The following S100PBP variants were observed in gnomAD, a reference collection of about 807,000 sequenced individuals.
S100PBP encodes S100P-binding protein.
S100PBP carries 15 observed loss-of-function variants against 39.9 expected under a neutral mutation model. That is an observed-to-expected ratio of 0.38 (90% CI 0.25 to 0.58). The LOEUF is 0.58. Among genes scored for constraint, S100PBP ranks in the 20% least tolerant of loss-of-function variants. The probability of loss-of-function intolerance (pLI) is 0.70; values close to 1 mark genes in which losing one functional copy is unlikely to be tolerated. For missense variants in S100PBP, 504 were observed against 487.3 expected (o/e 1.03, Z -0.32); for synonymous variants, 178 against 180.3 (o/e 0.99, Z 0.10).
At chr1:32,840,946 A>G (rs1160910666) in intron 5 of S100PBP, among the ~76,000 whole-genome samples, 1 of 151,640 alleles carries the variant, frequency 6.6e-6, no homozygotes, top group African/African-American at 2.4e-5. Flanking sequence ...GGATCACGAG[A>G]TCAGGAGATT....
chr1:32,854,749 T>G (rs1017746662), intron 6 of S100PBP, among the ~76,000 whole-genome samples: 2 of 152,218 alleles, frequency 1.3e-5, no homozygotes, highest in Non-Finnish European at 2.9e-5. Flanking sequence ...CCTATATGCT[T>G]TGGCCTATGC....
chr1:32,824,044 A>G (rs963536186), intron 1 of S100PBP, among the ~76,000 whole-genome samples: 1 of 152,108 alleles, frequency 6.6e-6, no homozygotes, highest in Non-Finnish European at 1.5e-5. Context: ...TAAAAATACA[A>G]CAAATTAGCC....
chr1:32,843,163 T>C (rs902858731), intron 5 of S100PBP: 2 of 152,244 alleles, frequency 1.3e-5, no homozygotes, highest in Admixed American at 6.5e-5. Context: ...AGTAACTTTT[T>C]AATAGATTTC....
chr1:32,817,107 AGAACCCCGTAATGGGGCTCAAAATCACT>A (rs1316211016), upstream of S100PBP: 1 of 1,566,368 alleles, frequency 6.4e-7, no homozygotes, highest in Non-Finnish European at 8.8e-7. Flanking sequence ...CCACATACTT[AGAACCCCGTAATGGGGCTCAAAATCACT>A]GAACCTCGGG....
At chr1:32,821,600 G>A (rs550553867) in intron 1 of S100PBP, among the ~76,000 whole-genome samples, 2 of 150,238 alleles carry the variant, frequency 1.3e-5, no homozygotes, top group South Asian at 2.1e-4. Context: ...GATTACAGGC[G>A]TGAGCCACTG....
intron 6 of S100PBP, among the ~76,000 whole-genome samples, chr1:32,854,282 T>C (rs1020647020): frequency 6.6e-6 from 1 of 152,324 alleles, no homozygotes; most frequent in Admixed American, 6.5e-5. Flanking sequence ...AATGCCATAG[T>C]GTTTGCATAA....
intron 4 of S100PBP, among the ~76,000 whole-genome samples, chr1:32,829,371 A>G (rs1041375844): frequency 6.6e-6 from 1 of 152,180 alleles, no homozygotes; most frequent in African/African-American, 2.4e-5. Flanking sequence ...GAATTACTCA[A>G]TAAATACTTT....
At chr1:32,830,237 C>T (rs1246319745) in intron 5 of S100PBP, among the ~76,000 whole-genome samples, 170 bp downstream of exon 5, 5 of 152,162 alleles carry the variant, frequency 3.3e-5, no homozygotes, top group Non-Finnish European at 5.9e-5. Flanking sequence ...AGATAATTCT[C>T]GAAGTGGTTT....
intron 6 of S100PBP, among the ~76,000 whole-genome samples, chr1:32,855,236 G>A (rs1035048841): frequency 6.6e-6 from 1 of 152,138 alleles, no homozygotes; most frequent in Non-Finnish European, 1.5e-5. Flanking sequence ...ATCCATATCT[G>A]TATTTGTTTT....
intron 1 of S100PBP, among the ~76,000 whole-genome samples, chr1:32,821,973 C>G (rs1020592314): frequency 6.6e-6 from 1 of 151,936 alleles, no homozygotes; most frequent in Non-Finnish European, 1.5e-5. Context: ...GGGAAAAGAT[C>G]TGAAATTTTT....
At chr1:32,829,877 T>A (rs1168766175) in intron 4 of S100PBP, 87 bp from the exon 5 acceptor site, 1 of 857,590 alleles carries the variant, frequency 1.2e-6, no homozygotes, top group Non-Finnish European at 1.9e-6. Flanking sequence ...TTCTAATCAA[T>A]CAGCAGTATA....
Position 32,826,541 on chromosome 1 carries a change from G to A in S100PBP, c.442G>A (p.Val148Ile). Residue 148 changes from valine (V) to isoleucine (I), a missense_variant, in exon 3 of 7, where the codon GTT (valine) becomes ATT (isoleucine). By Grantham distance (29) the Val-to-Ile change is conservative. Coordinates refer to ENST00000373475, the MANE Select transcript of S100PBP (RefSeq NM_022753.4). ...AGAAAAGAATCTTATAAAAGTAACTGTTGCACCATTTAATCCAACAGTTTG... is the reference window on the plus strand; with the variant it reads ...AGAAAAGAATCTTATAAAAGTAACTATTGCACCATTTAATCCAACAGTTTG... Reference protein sequence around the residue: ...VLEKNLIKVTVAPFNPTVCDA... With the variant: ...VLEKNLIKVTIAPFNPTVCDA... The A allele has an allele frequency of 6.2e-7, 1 of 1,613,922 alleles. No individual in the cohort carries two copies. Among genetic ancestry groups the A allele is most frequent in the Middle Eastern group, 1.6e-4 (1 of 6,062 alleles).
At chr1:32,832,621 C>G (rs1639649592) in intron 5 of S100PBP, among the ~76,000 whole-genome samples, 1 of 151,946 alleles carries the variant, frequency 6.6e-6, no homozygotes, top group African/African-American at 2.4e-5. Context: ...TTGTATATAC[C>G]TTATTGCAAG....
intron 5 of S100PBP, among the ~76,000 whole-genome samples, chr1:32,849,972 A>G (rs1407361735): frequency 6.6e-6 from 1 of 152,220 alleles, no homozygotes; most frequent in Admixed American, 6.5e-5. Flanking sequence ...CACATAGGAC[A>G]GTGCCTTTAT....
At chr1:32,851,753 A>C (rs549360430) in intron 5 of S100PBP, among the ~76,000 whole-genome samples, 1 of 152,142 alleles carries the variant, frequency 6.6e-6, no homozygotes, top group Non-Finnish European at 1.5e-5. Flanking sequence ...TTGAAATGCA[A>C]ATTCTCAGGC....
Position 32,826,408 on chromosome 1 carries a change from C to T in S100PBP, c.309C>T (p.Ser103=), listed in dbSNP as rs747501720. 25 of 1,613,936 alleles carry T rather than the reference C, an allele frequency of 1.5e-5. No homozygotes were observed. In the Middle Eastern group the frequency reaches 8.2e-4, roughly 53 times the overall value. ...CCCGAGAGAAAAATTCATCGTACAG[C>T]CTGGGACCAGTAGCTGAGACTCCTG... The part of the protein sequence containing the change: ...DTPREKNSSY[S]LGPVAETPDL... The change falls in exon 3 of 7, where the codon AGC becomes AGT. Residue 103 remains serine (S), a synonymous_variant. Transcript: ENST00000373475.
chr1:32,828,022 G>A lies in S100PBP; in HGVS notation c.861G>A (p.Lys287=). The A allele has an allele frequency of 6.2e-7, 1 of 1,611,862 alleles. No individual in the cohort carries two copies. The highest frequency in any genetic ancestry group is 8.5e-7 in the Non-Finnish European group (1 of 1,178,408). ...KQDVLNKDSG[K]MKGHERRLGK... The stretch of plus-strand genomic sequence containing the variant: ...ATGTTCTTAACAAGGATTCTGGGAA[G>A]ATGAAAGGCCATGAGAGAAGACTAG... Residue 287 remains lysine, a synonymous_variant, in exon 4 of 7, where the codon AAG becomes AAA. Transcript: ENST00000373475.
chr1:32,818,255 G>A (rs1211724854), intron 1 of S100PBP: 1 of 152,332 alleles, frequency 6.6e-6, no homozygotes, highest in African/African-American at 2.4e-5. Flanking sequence ...GGTGTCCCCG[G>A]GGGAGGGAGA....
At chr1:32,821,852 T>C (rs184437034) in intron 1 of S100PBP, among the ~76,000 whole-genome samples, 58 of 152,234 alleles carry the variant, frequency 3.8e-4, no homozygotes, top group African/African-American at 1.3e-3. Flanking sequence ...TTGGTCAGGC[T>C]GGTCTCGAAC....
Sources: gnomAD v4.1 joint callset for allele counts (sites outside exome capture counted in the v4.1 genomes callset) on GRCh38, gnomAD v4.1.1 for gene constraint, MANE v1.5 for transcripts, NCBI Gene and HGNC (gene_info 2026-07-23, HGNC 2026-07-21) for gene names.